The following SAMD3 variants were observed in gnomAD, a reference collection of about 807,000 sequenced individuals.
The protein encoded by SAMD3 is sterile alpha motif domain containing 3.
SAMD3 carries 63 observed loss-of-function variants against 58.5 expected under a neutral mutation model. That is an observed-to-expected ratio of 1.08 (90% CI 0.88 to 1.33). SAMD3 has a LOEUF of 1.33. Ranked by LOEUF, SAMD3 falls within the 40% of genes most tolerant of loss-of-function variation. The probability of loss-of-function intolerance (pLI) is 0.00; values close to 1 mark genes in which losing one functional copy is unlikely to be tolerated. For missense variants in SAMD3, 604 were observed against 608.4 expected (o/e 0.99, Z 0.08); for synonymous variants, 220 against 210.3 (o/e 1.05, Z -0.40).
chr6:130,248,586 T>C (rs1773635719), intron 2 of SAMD3, among the ~76,000 whole-genome samples: 1 of 152,176 alleles, frequency 6.6e-6, no homozygotes, highest in African/African-American at 2.4e-5. Context: ...ACTTGTCTGT[T>C]CAATCCTCAG....
At chr6:130,348,690 A>T (rs1391450414) in intron 1 of SAMD3, among the ~76,000 whole-genome samples, 1 of 152,228 alleles carries the variant, frequency 6.6e-6, no homozygotes, top group African/African-American at 2.4e-5. Context: ...GTTAACAAGG[A>T]TATCCAGGAA....
At chr6:130,163,035 C>G (rs1345362403) in intron 8 of SAMD3, among the ~76,000 whole-genome samples, 1 of 152,180 alleles carries the variant, frequency 6.6e-6, no homozygotes, top group African/African-American at 2.4e-5. Flanking sequence ...GCATTTGCCT[C>G]CCAAGTAGCT....
intron 2 of SAMD3, among the ~76,000 whole-genome samples, chr6:130,239,782 C>T (rs1207847225): frequency 6.6e-6 from 1 of 152,208 alleles, no homozygotes; most frequent in Non-Finnish European, 1.5e-5. Context: ...TTGCTCCAAA[C>T]TTCTCTTCTT....
At chr6:130,325,901 T>C (rs1776743575) in intron 1 of SAMD3, among the ~76,000 whole-genome samples, 1 of 152,178 alleles carries the variant, frequency 6.6e-6, no homozygotes, top group African/African-American at 2.4e-5. Flanking sequence ...TTGACCGGCC[T>C]GGCTTTCACT....
chr6:130,245,870 T>A (rs9492502), intron 2 of SAMD3, among the ~76,000 whole-genome samples: 38,351 of 152,012 alleles, frequency 0.25, 6,496 homozygotes, highest in African/African-American at 0.48. Flanking sequence ...TTGTGGCAAA[T>A]CATGCGTGTG....
intron 2 of SAMD3, among the ~76,000 whole-genome samples, chr6:130,231,334 C>A (rs955499211): frequency 6.6e-6 from 1 of 152,104 alleles, no homozygotes; most frequent in South Asian, 2.1e-4. Context: ...GAAGCTGAGG[C>A]GGGCAGATCA....
intron 2 of SAMD3, among the ~76,000 whole-genome samples, chr6:130,264,708 G>C (rs1774274216): frequency 1.3e-5 from 2 of 152,170 alleles, no homozygotes; most frequent in Non-Finnish European, 2.9e-5. Flanking sequence ...ATTTTAGTGG[G>C]TGACAGTTAA....
At chr6:130,220,032 C>T (rs768471029) in intron 1 of SAMD3, among the ~76,000 whole-genome samples, 15 of 152,124 alleles carry the variant, frequency 9.9e-5, no homozygotes, top group East Asian at 1.9e-4. Context: ...GATGGAGTCT[C>T]GCTCTGTCAT....
At chr6:130,243,698 A>G (rs1177380499) in intron 2 of SAMD3, among the ~76,000 whole-genome samples, 1 of 152,232 alleles carries the variant, frequency 6.6e-6, no homozygotes, top group Admixed American at 6.5e-5. Flanking sequence ...ATATATGTAT[A>G]TAATTCTAAG....
chr6:130,334,365 T>C (rs1253830074), intron 1 of SAMD3, among the ~76,000 whole-genome samples: 1 of 151,956 alleles, frequency 6.6e-6, no homozygotes, highest in Admixed American at 6.6e-5. Context: ...AAAAAAAGAC[T>C]GTGGTCCTCA....
At chr6:130,306,763 C>T (rs6569674) in intron 2 of SAMD3, among the ~76,000 whole-genome samples, 18,912 of 152,148 alleles carry the variant, frequency 0.12, 3,237 homozygotes, top group African/African-American at 0.39. Flanking sequence ...TTTATACTAA[C>T]CTTATAGAAT....
intron 5 of SAMD3, among the ~76,000 whole-genome samples, chr6:130,208,653 C>G (rs923302302): frequency 1.3e-5 from 2 of 152,126 alleles, no homozygotes; most frequent in African/African-American, 4.8e-5. Flanking sequence ...TTCCATCACC[C>G]CCAGATGGGA....
In SAMD3 at chr6:130,266,614, C is replaced by T. The variant is rs181546538; in HGVS notation, c.-187-43801G>A. ...TTAGTAAATTCCCAAAGTTGCAAAC[C>T]ATGTAGATCCTCCCAGAGTCCCACC... is the stretch of plus-strand genomic sequence containing the variant. On this transcript the variant is annotated intron_variant, in intron 2 of 13. Coordinates refer to the SAMD3 transcript ENST00000368134. Among the ~76,000 whole-genome samples, 13 of 152,280 alleles carry T rather than the reference C, an allele frequency of 8.5e-5. No individual in the cohort carries two copies. The East Asian group carries it at 2.5e-3, about 29-fold the overall frequency.
At chr6:130,362,628 C>G (rs1583158185) in intron 1 of SAMD3, among the ~76,000 whole-genome samples, 2 of 152,066 alleles carry the variant, frequency 1.3e-5, no homozygotes, top group African/African-American at 4.8e-5. Context: ...GCTGCCAGTG[C>G]CCCTCAGGCA....
chr6:130,164,131 G>A (rs1325775619), intron 8 of SAMD3, among the ~76,000 whole-genome samples: 1 of 148,880 alleles, frequency 6.7e-6, no homozygotes, highest in Non-Finnish European at 1.5e-5. Flanking sequence ...TAAAGAAATT[G>A]CCATGTTGTT....
chr6:130,319,469 C>T (rs1776508897), intron 1 of SAMD3, among the ~76,000 whole-genome samples: 1 of 151,970 alleles, frequency 6.6e-6, no homozygotes, highest in Admixed American at 6.6e-5. Flanking sequence ...ACAATGCAAA[C>T]TAGACAACAG....
chr6:130,241,742 T>A (rs929440179), intron 2 of SAMD3, among the ~76,000 whole-genome samples: 2 of 152,160 alleles, frequency 1.3e-5, no homozygotes. Context: ...GAGTGTTTGA[T>A]GTTATCATCT....
chr6:130,348,059 C>G (rs972727866), intron 1 of SAMD3, among the ~76,000 whole-genome samples: 1 of 152,162 alleles, frequency 6.6e-6, no homozygotes, highest in Non-Finnish European at 1.5e-5. Flanking sequence ...GCCTGCCTTA[C>G]AAGAGCTCCT....
chr6:130,221,963 G>A (rs1446944361), intron 1 of SAMD3, among the ~76,000 whole-genome samples: 4 of 152,084 alleles, frequency 2.6e-5, no homozygotes, highest in Admixed American at 6.5e-5. Flanking sequence ...TATTCCATTG[G>A]AAAAGGTGAA....
Sources: gnomAD v4.1 joint callset for allele counts (sites outside exome capture counted in the v4.1 genomes callset) on GRCh38, gnomAD v4.1.1 for gene constraint, MANE v1.5 for transcripts, NCBI Gene and HGNC (gene_info 2026-07-23, HGNC 2026-07-21) for gene names.